MEIKIN: variants seen among roughly 807,000 people sequenced by gnomAD.
The protein encoded by MEIKIN is meiosis-specific kinetochore protein.
At chr5:131,853,027 C>T (rs1043873759) in intron 10 of MEIKIN, among the ~76,000 whole-genome samples, 4 of 152,058 alleles carry the variant, frequency 2.6e-5, no homozygotes, top group Admixed American at 6.6e-5. Context: ...TAACAAAATC[C>T]TTTCTCCCAT....
intron 11 of MEIKIN, among the ~76,000 whole-genome samples, chr5:131,831,892 G>T (rs1405290788): frequency 3.9e-5 from 6 of 152,162 alleles, no homozygotes; most frequent in African/African-American, 1.4e-4. Context: ...GCATAGGAAA[G>T]ACTGGCCCCC....
chr5:131,875,234 T>C (rs1450181418), intron 9 of MEIKIN, among the ~76,000 whole-genome samples: 1 of 152,212 alleles, frequency 6.6e-6, no homozygotes, highest in Non-Finnish European at 1.5e-5. Context: ...TGATTGTGTA[T>C]CTAGAAAACC....
At chr5:131,819,417 A>G (rs908782568) in intron 11 of MEIKIN, among the ~76,000 whole-genome samples, 3 of 78,162 alleles carry the variant, frequency 3.8e-5, no homozygotes, top group African/African-American at 5.3e-5. Flanking sequence ...GAAGAGGCAG[A>G]GGGGGAGGGA....
chr5:131,868,687 C>A (rs1750432639), intron 9 of MEIKIN, among the ~76,000 whole-genome samples: 1 of 150,154 alleles, frequency 6.7e-6, no homozygotes, highest in Non-Finnish European at 1.5e-5. Context: ...ATCCTCCCAT[C>A]TCAGCCTCCC....
At chr5:131,899,067 T>A (rs916612036) in intron 8 of MEIKIN, among the ~76,000 whole-genome samples, 2 of 152,178 alleles carry the variant, frequency 1.3e-5, no homozygotes, top group Non-Finnish European at 2.9e-5. Flanking sequence ...GGAACTGACC[T>A]CTACTCTTAT....
chr5:131,876,727 C>A (rs1028707411), intron 9 of MEIKIN, among the ~76,000 whole-genome samples: 1 of 151,592 alleles, frequency 6.6e-6, no homozygotes, highest in African/African-American at 2.4e-5. Flanking sequence ...TTCACAATAG[C>A]AAAGACTTGG....
intron 8 of MEIKIN, among the ~76,000 whole-genome samples, chr5:131,901,965 GTT>G (rs1340071123): frequency 6.6e-6 from 1 of 152,168 alleles, no homozygotes; most frequent in East Asian, 1.9e-4. Context: ...CATGGGGGTA[GTT>G]TCTCATAAGT....
At chr5:131,843,999 G>C (rs1278318115) in intron 11 of MEIKIN, among the ~76,000 whole-genome samples, 2 of 152,152 alleles carry the variant, frequency 1.3e-5, no homozygotes, top group Non-Finnish European at 2.9e-5. Flanking sequence ...AGGAGTTATG[G>C]CTGGGGAGGC....
chr5:131,909,384 C>T (rs1751297458), intron 8 of MEIKIN, among the ~76,000 whole-genome samples: 1 of 152,138 alleles, frequency 6.6e-6, no homozygotes, highest in South Asian at 2.1e-4. Context: ...TGAAACTAGA[C>T]CCTTGTCTGT....
intron 11 of MEIKIN, among the ~76,000 whole-genome samples, chr5:131,841,834 T>C (rs911986678): frequency 1.2e-4 from 19 of 152,222 alleles, no homozygotes; most frequent in African/African-American, 4.6e-4. Flanking sequence ...AGGATATTAT[T>C]TTCTTAATCC....
intron 11 of MEIKIN, among the ~76,000 whole-genome samples, chr5:131,834,359 T>C (rs1406365336): frequency 1.3e-5 from 2 of 152,186 alleles, no homozygotes; most frequent in Non-Finnish European, 2.9e-5. Context: ...ATTTCAAATA[T>C]GTTCTCTTAT....
chr5:131,869,823 C>A (rs1297922490), intron 9 of MEIKIN, among the ~76,000 whole-genome samples: 3 of 152,188 alleles, frequency 2.0e-5, no homozygotes, highest in Admixed American at 1.3e-4. Flanking sequence ...CAATGGTTCC[C>A]ATGGAGGTTT....
chr5:131,877,007 G>T (rs1750625566), intron 9 of MEIKIN, among the ~76,000 whole-genome samples: 1 of 125,402 alleles, frequency 8.0e-6, no homozygotes, highest in Non-Finnish European at 1.7e-5. Context: ...GGGGTGGGGG[G>T]AGGGGGCGAG....
chr5:131,827,395 T>C (rs1413379748), intron 11 of MEIKIN, among the ~76,000 whole-genome samples: 1 of 152,190 alleles, frequency 6.6e-6, no homozygotes, highest in African/African-American at 2.4e-5. Context: ...AGTCCAAATG[T>C]ATCAATAATC....
At position 131,945,460 on chromosome 5, in the gene MEIKIN, T is replaced by G; in HGVS notation, c.46A>C (p.Arg16=). The change falls in exon 1 of 13, where the codon AGG becomes CGG. Residue 16 remains arginine, a synonymous_variant. Coordinates refer to ENST00000442687, the MANE Select transcript of MEIKIN (RefSeq NM_001303622.2). ...TCTGGCGTCGGGGTGAGATTGAGCC[T>G]CTGACCCTCCCGCTTTTTGCGGGTA... ...VYTRKKREGQ[R]LNLTPTPDLG... is the part of the protein sequence containing the mutation. 1 of 399,444 alleles carries G rather than the reference T, an allele frequency of 2.5e-6. No homozygotes were observed. Among genetic ancestry groups the G allele is most frequent in the Non-Finnish European group, 4.4e-6 (1 of 226,168 alleles). 24.7% of individuals were successfully genotyped at this position (399,444 alleles called of 1,614,324 possible).
intron 5 of MEIKIN, among the ~76,000 whole-genome samples, chr5:131,926,345 T>C (rs942679206): frequency 2.6e-5 from 4 of 152,226 alleles, no homozygotes; most frequent in African/African-American, 9.6e-5. Context: ...CTTTAGTTGA[T>C]TTTTGTATTT....
chr5:131,881,828 C>T (rs1750706843), intron 8 of MEIKIN, among the ~76,000 whole-genome samples: 1 of 152,078 alleles, frequency 6.6e-6, no homozygotes, highest in Non-Finnish European at 1.5e-5. Flanking sequence ...ACCACTGTTT[C>T]GACATGTCAC....
At chr5:131,874,428 G>A (rs1006745019) in intron 9 of MEIKIN, among the ~76,000 whole-genome samples, 15 of 150,428 alleles carry the variant, frequency 1.0e-4, no homozygotes, top group Admixed American at 4.6e-4. Context: ...CACATACATC[G>A]TCCCAAGACT....
chr5:131,934,824 G>A lies in MEIKIN; in HGVS notation c.350-1183C>T, dbSNP rs945166424. ...TGTAATCCCAGCACTTTGGGAGACC[G>A]AGGCAGGCAGATCACGAGGTCAAGA... On this transcript the variant is annotated intron_variant, in intron 4 of 12. Coordinates refer to ENST00000442687, the MANE Select transcript of MEIKIN (RefSeq NM_001303622.2). Among the ~76,000 whole-genome samples, 4 of 151,590 alleles carry A rather than the reference G, an allele frequency of 2.6e-5. 1 individual carries two copies. The highest frequency in any genetic ancestry group is 4.2e-4 in the South Asian group (2 of 4,776).
Sources: allele counts gnomAD v4.1 joint callset (sites outside exome capture counted in the v4.1 genomes callset), GRCh38; gene constraint gnomAD v4.1.1; transcripts MANE v1.5; gene names NCBI Gene and HGNC (gene_info 2026-07-23, HGNC 2026-07-21).